The following FAM228B variants were observed in gnomAD, a reference collection of about 807,000 sequenced individuals.
FAM228B encodes the protein protein FAM228B.
A neutral mutation model predicts 42.6 loss-of-function variants in FAM228B; 38 were observed. The observed-to-expected ratio is 0.89, with a 90% CI of 0.69 to 1.17. The LOEUF is 1.17. Ranked by LOEUF, FAM228B falls within the 50% of genes most tolerant of loss-of-function variation. The pLI is 0.00. For missense variants in FAM228B, 344 were observed against 367.3 expected (o/e 0.94, Z 0.52); for synonymous variants, 109 against 122.3 (o/e 0.89, Z 0.72).
At chr2:24,127,315 A>G (rs943289398) in intron 2 of FAM228B, among the ~76,000 whole-genome samples, 2 of 152,198 alleles carry the variant, frequency 1.3e-5, no homozygotes, top group Admixed American at 6.5e-5. Flanking sequence ...CCATTGTCTC[A>G]GTATCACATT....
intron 2 of FAM228B, among the ~76,000 whole-genome samples, chr2:24,081,826 G>T (rs946359409): frequency 2.0e-5 from 3 of 151,144 alleles, no homozygotes; most frequent in Non-Finnish European, 4.4e-5. Flanking sequence ...TTCCTGAGTA[G>T]CTGGGACTAC....
chr2:24,139,937 T>C (rs1666705438), intron 5 of FAM228B, among the ~76,000 whole-genome samples: 1 of 152,228 alleles, frequency 6.6e-6, no homozygotes, highest in Admixed American at 6.5e-5. Context: ...CTCAATAGTT[T>C]ATTATTTGCT....
chr2:24,110,906 T>C (rs1279804207), intron 3 of FAM228B, among the ~76,000 whole-genome samples: 1 of 152,166 alleles, frequency 6.6e-6, no homozygotes, highest in Non-Finnish European at 1.5e-5. Context: ...CTACACTAAC[T>C]CCAGTTAGCT....
chr2:24,078,434 T>G (rs1170487628), intron 1 of FAM228B, among the ~76,000 whole-genome samples: 1 of 146,666 alleles, frequency 6.8e-6, no homozygotes, highest in Admixed American at 7.1e-5. Flanking sequence ...AGGCTGATTG[T>G]GCCATTGCAC....
intron 2 of FAM228B, among the ~76,000 whole-genome samples, chr2:24,092,675 A>G (rs1266949930): frequency 5.9e-5 from 9 of 152,178 alleles, no homozygotes; most frequent in East Asian, 1.9e-4. Flanking sequence ...AAACACACCA[A>G]TTATACAGAT....
At chr2:24,138,243 T>C in intron 4 of FAM228B, 143 bp downstream of exon 4, 1 of 603,822 alleles carries the variant, frequency 1.7e-6, no homozygotes, top group Non-Finnish European at 2.8e-6. Flanking sequence ...CATAAAGTAT[T>C]CTTAAACCCA....
Position 24,082,807 on chromosome 2 carries a change from G to C in FAM228B, c.-210+1852G>C, listed in dbSNP as rs1180539959. Reference sequence around the variant, plus strand: ...AGGAAGGCCTGGGAGTGCCCTGGGGGATTGCTGGGATTCAAGTTGGCTGAT... The same window carrying C: ...AGGAAGGCCTGGGAGTGCCCTGGGGCATTGCTGGGATTCAAGTTGGCTGAT... On this transcript the variant is annotated intron_variant, in intron 2 of 10. Transcript: ENST00000613899. The C allele has an allele frequency of 1.1e-5, 16 of 1,491,312 alleles. No homozygotes were observed. The East Asian group carries it at 1.2e-4, about 11-fold the overall frequency. The allele number at this position is 1,491,312 out of a possible 1,614,324, so 92.4% of individuals were successfully genotyped here. A position where few individuals can be genotyped will look rare whatever the true frequency, so the allele number is the denominator to read the frequency against.
chr2:24,103,052 T>G (rs989937298), intron 3 of FAM228B, among the ~76,000 whole-genome samples: 2 of 152,238 alleles, frequency 1.3e-5, no homozygotes, highest in African/African-American at 2.4e-5. Flanking sequence ...CACTGATACT[T>G]TTTTTGCTTT....
chr2:24,137,792 T>G (rs1173142512), intron 3 of FAM228B, 117 bp from the exon 4 acceptor site: 1 of 643,774 alleles, frequency 1.6e-6, no homozygotes, highest in East Asian at 2.9e-5. Context: ...AATTAATGAA[T>G]GTCTCTGTGG....
At chr2:24,115,800 G>C (rs909821003) in intron 3 of FAM228B, among the ~76,000 whole-genome samples, 3 of 151,278 alleles carry the variant, frequency 2.0e-5, no homozygotes, top group African/African-American at 7.3e-5. Context: ...GGAGTTCACT[G>C]TCTAGTAGGG....
At chr2:24,134,178 A>G (rs1044439359) in intron 2 of FAM228B, among the ~76,000 whole-genome samples, 9 of 152,348 alleles carry the variant, frequency 5.9e-5, no homozygotes, top group Non-Finnish European at 1.0e-4. Context: ...ATGGATAAAA[A>G]TATAACTCAT....
At chr2:24,124,001 G>C (rs1344563830) in intron 1 of FAM228B, among the ~76,000 whole-genome samples, 2 of 152,156 alleles carry the variant, frequency 1.3e-5, no homozygotes, top group Admixed American at 6.5e-5. Flanking sequence ...CCCACTCGAG[G>C]CCACCAAAGT....
At chr2:24,141,491 G>C (rs956520564) in intron 5 of FAM228B, among the ~76,000 whole-genome samples, 3 of 152,060 alleles carry the variant, frequency 2.0e-5, no homozygotes, top group African/African-American at 7.2e-5. Context: ...TGATCCACCC[G>C]CCTCGACCTC....
chr2:24,151,025 C>T (rs1486799591), intron 7 of FAM228B, among the ~76,000 whole-genome samples: 1 of 152,156 alleles, frequency 6.6e-6, no homozygotes, highest in East Asian at 1.9e-4. Context: ...CTTTCTACTT[C>T]TATATCTATC....
rs1249339420 is a variant in FAM228B at position 24,080,984 on chromosome 2, C to A, written c.-210+29C>A. ...AGTTGGATAGCAGCTGTGCCCACAC[C>A]ACTCAGTCCTGCATGGATTAGCACA... On this transcript the variant is annotated intron_variant, in intron 2 of 10. Transcript: ENST00000613899. The surrounding 1 kb of genome is among the most constrained non-coding windows in gnomAD (Gnocchi z 4.7). 1 of 1,614,202 alleles carries A rather than the reference C, an allele frequency of 6.2e-7. No homozygotes were observed. Among genetic ancestry groups the A allele is most frequent in the Admixed American group, 1.7e-5 (1 of 60,014 alleles).
intron 7 of FAM228B, among the ~76,000 whole-genome samples, chr2:24,156,753 C>A: frequency 6.8e-6 from 1 of 147,920 alleles, no homozygotes; most frequent in African/African-American, 2.5e-5. Context: ...ATGTACCAGA[C>A]ACTGTTATAC....
chr2:24,153,435 C>T (rs1312992915), intron 7 of FAM228B, among the ~76,000 whole-genome samples: 1 of 152,194 alleles, frequency 6.6e-6, no homozygotes, highest in Non-Finnish European at 1.5e-5. Flanking sequence ...TGGGTCCTTC[C>T]CTTCAAGGCA....
rs1236683346 is a variant in FAM228B at position 24,156,768 on chromosome 2, CT to C, written c.687-4735del. On this transcript the variant is annotated intron_variant, in intron 7 of 10. Transcript: ENST00000615575. ...ATGTACCAGACACTGTTATACATTT[CT>C]TTCCGCCCCCCCCCCCCCAGCTTTT... Among the ~76,000 whole-genome samples the C allele has an allele frequency of 5.2e-3, 190 of 36,886 alleles. 1 individual carries two copies. The highest frequency in any genetic ancestry group is 0.012 in the African/African-American group (170 of 13,770). The allele number at this position is 36,886 out of a possible 152,430, so 24.2% of individuals were successfully genotyped here. A position where few individuals can be genotyped will look rare whatever the true frequency, so the allele number is the denominator to read the frequency against.
At chr2:24,079,830 T>C (rs1664922207) in intron 1 of FAM228B, among the ~76,000 whole-genome samples, 2 of 152,190 alleles carry the variant, frequency 1.3e-5, no homozygotes, top group African/African-American at 2.4e-5. Context: ...ATGTATGAAG[T>C]TCACCATTTA....
Sources: gnomAD v4.1 joint callset for allele counts (sites outside exome capture counted in the v4.1 genomes callset) on GRCh38, gnomAD v4.1.1 for gene constraint, Gnocchi (gnomAD v3.1) non-coding constraint, MANE v1.5 for transcripts, NCBI Gene and HGNC (gene_info 2026-07-23, HGNC 2026-07-21) for gene names.